The following ADK variants were observed in gnomAD, a reference collection of about 807,000 sequenced individuals.
The protein encoded by ADK is adenosine kinase, also known as N6,N6-dimethyladenosine kinase.
Under a neutral mutation model 44.7 loss-of-function variants are expected in ADK, and 24 were observed. The observed-to-expected ratio is 0.54, with a 90% CI of 0.39 to 0.76. The LOEUF (loss-of-function observed/expected upper bound fraction) is 0.76, where lower values mean the gene tolerates loss of function less well. Ranked by LOEUF, ADK falls within the 30% of genes least tolerant of loss-of-function variation. The pLI is 0.00. For synonymous variants in ADK, 128 were observed against 142.6 expected (o/e 0.90, Z 0.73); for missense variants, 321 against 425.1 (o/e 0.76, Z 2.15).
At chr10:74,341,376 A>AT (rs774053692) in intron 4 of ADK, among the ~76,000 whole-genome samples, 4 of 150,984 alleles carry the variant, frequency 2.6e-5, no homozygotes, top group Admixed American at 6.6e-5. Flanking sequence ...AAAAAAAAAA[A>AT]TTAGCTGGGT....
intron 3 of ADK, among the ~76,000 whole-genome samples, chr10:74,235,016 G>A (rs1368443212): frequency 6.6e-6 from 1 of 152,048 alleles, no homozygotes; most frequent in Non-Finnish European, 1.5e-5. Flanking sequence ...TATTTAGGAA[G>A]GCTAGAGAGA....
intron 9 of ADK, among the ~76,000 whole-genome samples, chr10:74,602,498 C>T (rs1852177170): frequency 6.6e-6 from 1 of 152,082 alleles, no homozygotes; most frequent in South Asian, 2.1e-4. Flanking sequence ...TGTGAATTTG[C>T]AGTTTTCCCA....
intron 9 of ADK, among the ~76,000 whole-genome samples, chr10:74,603,071 G>T (rs950367111): frequency 6.6e-6 from 1 of 152,026 alleles, no homozygotes; most frequent in African/African-American, 2.4e-5. Context: ...ATGCCAATTT[G>T]TTATTGTTTT....
chr10:74,156,307 C>T (rs1282519492), intron 1 of ADK, among the ~76,000 whole-genome samples: 1 of 152,156 alleles, frequency 6.6e-6, no homozygotes, highest in Non-Finnish European at 1.5e-5. Flanking sequence ...TGGAATATGT[C>T]TTTGCTTTAC....
rs3037448 is a variant in ADK at position 74,677,965 on chromosome 10, C to CAAAAAAA, written c.964+7717_964+7723dup. On this transcript the variant is annotated intron_variant, in intron 10 of 10. Transcript: ENST00000539909. Reference sequence around the variant, plus strand: ...CAGCACAGTGAGACCCCAGTCTCTACAAAAAAAAAAAAAAAAAAAAAAAAA... The same window carrying CAAAAAAA: ...CAGCACAGTGAGACCCCAGTCTCTACAAAAAAAAAAAAAAAAAAAAAAAAAAAAAAAA... Among the ~76,000 whole-genome samples, 12 of 43,070 alleles carry CAAAAAAA rather than the reference C, an allele frequency of 2.8e-4. 2 individuals carry two copies. The highest frequency in any genetic ancestry group is 4.2e-4 in the Admixed American group (1 of 2,358). 28.3% of individuals were successfully genotyped at this position (43,070 alleles called of 152,430 possible).
At chr10:74,213,651 A>C (rs986122489) in intron 2 of ADK, among the ~76,000 whole-genome samples, 4 of 152,208 alleles carry the variant, frequency 2.6e-5, no homozygotes, top group African/African-American at 9.6e-5. Flanking sequence ...GCTCTGATGA[A>C]GTATGATGAG....
At chr10:74,183,074 CAGTCCCACCTGTAGTCCTGT>C (rs2132089586) in intron 1 of ADK, among the ~76,000 whole-genome samples, 1 of 152,254 alleles carries the variant, frequency 6.6e-6, no homozygotes, top group African/African-American at 2.4e-5. Flanking sequence ...GTAGTCCCTA[CAGTCCCACCTGTAGTCCTGT>C]AGTCCCACCT....
At chr10:74,551,826 T>A (rs1850043880) in intron 7 of ADK, among the ~76,000 whole-genome samples, 1 of 152,162 alleles carries the variant, frequency 6.6e-6, no homozygotes. Context: ...TTCAGGGGAT[T>A]GGTTTCAGGA....
At chr10:74,232,042 C>T (rs1844787071) in intron 3 of ADK, among the ~76,000 whole-genome samples, 1 of 151,372 alleles carries the variant, frequency 6.6e-6, no homozygotes, top group Non-Finnish European at 1.5e-5. Flanking sequence ...TGATTGAGAT[C>T]ATTTCAGGCT....
intron 4 of ADK, among the ~76,000 whole-genome samples, chr10:74,340,841 A>C (rs1414662289): frequency 6.6e-6 from 1 of 152,180 alleles, no homozygotes; most frequent in Non-Finnish European, 1.5e-5. Context: ...TGGCTGGCAA[A>C]TTTATTGCCC....
chr10:74,611,687 C>T (rs1564818746), intron 9 of ADK, among the ~76,000 whole-genome samples: 1 of 151,812 alleles, frequency 6.6e-6, no homozygotes, highest in African/African-American at 2.4e-5. Flanking sequence ...CATGTATACC[C>T]ATTGTTTACC....
intron 9 of ADK, among the ~76,000 whole-genome samples, chr10:74,603,169 TAATTTACC>T (rs1852199465): frequency 6.6e-6 from 1 of 152,130 alleles, no homozygotes; most frequent in African/African-American, 2.4e-5. Flanking sequence ...AAGTGTCCCT[TAATTTACC>T]ATAAGTGACA....
At chr10:74,256,228 G>A (rs1465187908) in intron 3 of ADK, among the ~76,000 whole-genome samples, 1 of 152,238 alleles carries the variant, frequency 6.6e-6, no homozygotes, top group African/African-American at 2.4e-5. Flanking sequence ...TGACAGAAAG[G>A]CAGTCAGGGA....
intron 9 of ADK, among the ~76,000 whole-genome samples, chr10:74,630,655 T>A (rs1853377323): frequency 6.6e-6 from 1 of 152,192 alleles, no homozygotes; most frequent in African/African-American, 2.4e-5. Flanking sequence ...TGATTCACTT[T>A]ACTTGGTTAA....
intron 9 of ADK, among the ~76,000 whole-genome samples, chr10:74,621,370 A>T (rs1852987070): frequency 6.6e-6 from 1 of 152,226 alleles, no homozygotes; most frequent in South Asian, 2.1e-4. Flanking sequence ...GTCAAAAATC[A>T]GTTGACTGTA....
intron 7 of ADK, among the ~76,000 whole-genome samples, chr10:74,575,804 G>A (rs900808343): frequency 6.6e-6 from 1 of 152,170 alleles, no homozygotes; most frequent in Non-Finnish European, 1.5e-5. Context: ...GAATCTAACA[G>A]TTGTGTGCAA....
At chr10:74,363,624 C>G (rs956333505) in intron 4 of ADK, among the ~76,000 whole-genome samples, 12 of 152,120 alleles carry the variant, frequency 7.9e-5, no homozygotes, top group Admixed American at 7.9e-4. Flanking sequence ...CCAGTAGACC[C>G]TGTAGACAAG....
chr10:74,554,724 C>T (rs1394010631), intron 7 of ADK, among the ~76,000 whole-genome samples: 3 of 151,080 alleles, frequency 2.0e-5, no homozygotes, highest in Admixed American at 1.3e-4. Context: ...GCAGATGGAT[C>T]GCTTGAGCTC....
chr10:74,332,209 AT>A (rs1366572788), intron 4 of ADK, among the ~76,000 whole-genome samples: 1 of 152,228 alleles, frequency 6.6e-6, no homozygotes, highest in Non-Finnish European at 1.5e-5. Context: ...TTATAATTTG[AT>A]TAGTAATGTC....
Sources: allele counts gnomAD v4.1 joint callset (sites outside exome capture counted in the v4.1 genomes callset), GRCh38; gene constraint gnomAD v4.1.1; transcripts MANE v1.5; gene names NCBI Gene and HGNC (gene_info 2026-07-23, HGNC 2026-07-21).